EIF1AD: variants seen among roughly 807,000 people sequenced by gnomAD.
EIF1AD encodes the protein eukaryotic translation initiation factor 1A domain containing.
In EIF1AD, 9 loss-of-function variants were observed where a neutral mutation model predicts 21.7. The observed-to-expected ratio is 0.41, with a 90% CI of 0.25 to 0.72. The LOEUF is 0.72. Among genes scored for constraint, EIF1AD ranks in the 30% least tolerant of loss-of-function variants. The probability of loss-of-function intolerance (pLI) is 0.29; values close to 1 mark genes in which losing one functional copy is unlikely to be tolerated. For missense variants in EIF1AD, 164 were observed against 199.7 expected (o/e 0.82, Z 1.08); for synonymous variants, 78 against 70.9 (o/e 1.10, Z -0.50).
At position 65,998,385 on chromosome 11, in the gene EIF1AD, C is replaced by A; in HGVS notation, c.*214G>T. 1 of 411,466 alleles carries A rather than the reference C, an allele frequency of 2.4e-6. No individual in the cohort carries two copies. Among genetic ancestry groups the A allele is most frequent in the Non-Finnish European group, 4.2e-6 (1 of 237,796 alleles). The allele number at this position is 411,466 out of a possible 1,614,324, so 25.5% of individuals were successfully genotyped here. A position where few individuals can be genotyped will look rare whatever the true frequency, so the allele number is the denominator to read the frequency against. On this transcript the variant is annotated 3_prime_UTR_variant, in exon 6 of 6. Transcript: ENST00000533544. ...AATAGGGAGCAGTTTTTCACTTCAT[C>A]ACAATCTCCCTCCCCCGAGAGAGCC...
chr11:65,999,541 A>G (rs1325584362), intron 4 of EIF1AD, 26 bp downstream of exon 4: 1 of 1,600,488 alleles, frequency 6.2e-7, no homozygotes, highest in Non-Finnish European at 8.6e-7. Flanking sequence ...GAAGCCAGAC[A>G]GCCAATGATC....
chr11:65,998,808 G>A, intron 5 of EIF1AD, 65 bp from the exon 6 acceptor site: 3 of 1,572,496 alleles, frequency 1.9e-6, no homozygotes, highest in Non-Finnish European at 2.6e-6. Flanking sequence ...CTACAATCAA[G>A]GAGTTCCAAA....
chr11:65,999,435 T>A, intron 4 of EIF1AD, 38 bp from the exon 5 acceptor site: 2 of 1,614,046 alleles, frequency 1.2e-6, no homozygotes, highest in Non-Finnish European at 1.7e-6. Flanking sequence ...AAAGGACAAA[T>A]AAATTTCTCA....
intron 1 of EIF1AD, among the ~76,000 whole-genome samples, chr11:66,001,394 C>T (rs1855956193): frequency 6.6e-6 from 1 of 150,818 alleles, no homozygotes; most frequent in South Asian, 2.1e-4. Context: ...ATGGCGTGAA[C>T]CCGGGAGGCG....
In EIF1AD at chr11:65,997,187, TGTG is replaced by T. The variant is rs1220552726; in HGVS notation, c.*1409_*1411del. ...CTAAAAATACAAAAAGTTAGCCAGG[TGTG>T]GTGGTGCACGCCTGTAGTCCAAGCT... On this transcript the variant is annotated 3_prime_UTR_variant, in exon 6 of 6. Coordinates refer to ENST00000533544, the MANE Select transcript of EIF1AD (RefSeq NM_001242481.2). 2 of 151,244 alleles carry T rather than the reference TGTG, an allele frequency of 1.3e-5. No individual in the cohort carries two copies. Among genetic ancestry groups the T allele is most frequent in the Admixed American group, 1.3e-4 (2 of 15,192 alleles). 9.4% of individuals were successfully genotyped at this position (151,244 alleles called of 1,614,324 possible).
intron 5 of EIF1AD, among the ~76,000 whole-genome samples, chr11:65,999,039 T>C (rs997243317): frequency 6.6e-6 from 1 of 152,238 alleles, no homozygotes; most frequent in South Asian, 2.1e-4. Context: ...TAACAGATAC[T>C]GCACTAAGCA....
chr11:65,998,953 G>C (rs1855831924), intron 5 of EIF1AD, among the ~76,000 whole-genome samples: 1 of 152,180 alleles, frequency 6.6e-6, no homozygotes, highest in Non-Finnish European at 1.5e-5. Context: ...CCCCAAACGT[G>C]TGCCACAGCC....
Sources: allele counts gnomAD v4.1 joint callset (sites outside exome capture counted in the v4.1 genomes callset), GRCh38; gene constraint gnomAD v4.1.1; transcripts MANE v1.5; gene names NCBI Gene and HGNC (gene_info 2026-07-23, HGNC 2026-07-21).